PPAN: variants seen among roughly 807,000 people sequenced by gnomAD.
PPAN encodes the protein peter pan homolog.
PPAN carries 39 observed loss-of-function variants against 48.5 expected under a neutral mutation model. The ratio of observed to expected loss-of-function variants is 0.80; its 90% CI spans 0.62 to 1.05. PPAN has a LOEUF of 1.05. Among genes scored for constraint, PPAN ranks in the 50% least tolerant of loss-of-function variants. The pLI, the probability that PPAN is intolerant of heterozygous loss-of-function variation, is 0.00. For synonymous variants in PPAN, 315 were observed against 268.6 expected (o/e 1.17, Z -1.69); for missense variants, 736 against 661.7 (o/e 1.11, Z -1.23).
rs779609530 is a variant in PPAN, at chr19:10,110,125, G to T, written c.701G>T (p.Gly234Val). ...GCCCTGTTATGTCCTACACACAGGG[G>T]CGCGGGGCTGTCGGAGAGCGAGGCA... Reference protein sequence around the residue: ...LQDISELLATGAGLSESEAEP... With the variant: ...LQDISELLATVAGLSESEAEP... Residue 234 changes from glycine (G) to valine (V), a missense_variant and splice_region_variant, in exon 8 of 12, where the codon GGC becomes GTC. Gly to Val is a moderately radical substitution (Grantham distance 109). Coordinates refer to ENST00000253107, the MANE Select transcript of PPAN (RefSeq NM_020230.7). The surrounding 1 kb of genome is among the most constrained non-coding windows in gnomAD (Gnocchi z 5.9). 1.2e-6 allele frequency: 2 copies of T among 1,610,910 alleles called. No homozygotes were observed. The highest frequency in any genetic ancestry group is 8.5e-7 in the Non-Finnish European group (1 of 1,179,916).
At chr19:10,109,166 G>GT (rs1161014685) in intron 5 of PPAN, among the ~76,000 whole-genome samples, 1 of 151,996 alleles carries the variant, frequency 6.6e-6, no homozygotes, top group African/African-American at 2.4e-5. Context: ...ATTTCACCGT[G>GT]TTAGCCAGGG....
intron 5 of PPAN, among the ~76,000 whole-genome samples, chr19:10,108,963 CTTT>C (rs1304271167): frequency 2.2e-5 from 3 of 138,536 alleles, no homozygotes; most frequent in African/African-American, 2.7e-5. Context: ...TCTTGTTTAC[CTTT>C]TTTTTTTTTT....
chr19:10,110,853 G>C lies in PPAN; in HGVS notation c.1188G>C (p.Glu396Asp). ...DIEYFCQAVG[E>D]APSEDLFPEA... ...AGTATTTCTGCCAGGCGGTGGGCGA[G>C]GCGCCCAGTGAGGGTATGGAGTGGG... The change falls in exon 11 of 12, where the codon GAG (glutamate) becomes GAC (aspartate). Residue 396 changes from glutamate to aspartate, a missense_variant. Transcript: ENST00000253107. The surrounding 1 kb of genome is among the most constrained non-coding windows in gnomAD (Gnocchi z 5.9). 2 of 1,613,836 alleles carry C rather than the reference G, an allele frequency of 1.2e-6. No individual in the cohort carries two copies. The highest frequency in any genetic ancestry group is 8.5e-7 in the Non-Finnish European group (1 of 1,179,974).
Position 10,111,494 on chromosome 19 carries a change from A to C in PPAN, c.*329A>C. On this transcript the variant is annotated 3_prime_UTR_variant, in exon 12 of 12. Transcript: ENST00000253107. Reference sequence around the variant, plus strand: ...TGGCCCCTCCCCCCAGTCCCACCAAAGAGCCGTGCAAGCAGACAGGTCACA... The same window carrying C: ...TGGCCCCTCCCCCCAGTCCCACCAACGAGCCGTGCAAGCAGACAGGTCACA... 2 of 632,452 alleles carry C rather than the reference A, an allele frequency of 3.2e-6. No individual in the cohort carries two copies. Among genetic ancestry groups the C allele is most frequent in the Non-Finnish European group, 5.5e-6 (2 of 361,754 alleles). 39.2% of individuals were successfully genotyped at this position (632,452 alleles called of 1,614,324 possible).
At position 10,110,766 on chromosome 19, in the gene PPAN, T is replaced by C; in HGVS notation, c.1101T>C (p.Pro367=). The stretch of plus-strand genomic sequence containing the variant: ...GTGATGAAGAGGCCTCTGGGATCCC[T>C]TCAAGGACGGCGAGCCTGGAGTTGG... ...GGSDEEASGI[P]SRTASLELGE... The change falls in exon 11 of 12, where the codon CCT becomes CCC. Residue 367 remains proline (P), a synonymous_variant. Coordinates refer to ENST00000253107, the MANE Select transcript of PPAN (RefSeq NM_020230.7). This position sits in a 1 kb window ranked among gnomAD's most constrained non-coding sequence, Gnocchi z 5.9. 1.2e-6 allele frequency: 2 copies of C among 1,613,874 alleles called. No individual in the cohort carries two copies. Among genetic ancestry groups the C allele is most frequent in the South Asian group, 2.2e-5 (2 of 91,072 alleles).
rs1166575229 is a variant in PPAN at position 10,106,603 on chromosome 19, C to G, written c.121C>G (p.Arg41Gly). ...CGTGTTCACGCGAGGCTGCACGGGT[C>G]GCAACATCCGGCAGCTCAGCCTGGA... ...SFVFTRGCTG[R>G]NIRQLSLDVR... The change falls in exon 2 of 12, where the codon CGC becomes GGC. Residue 41 changes from arginine (R) to glycine (G), a missense_variant. Transcript: ENST00000253107. 1.9e-6 allele frequency: 3 copies of G among 1,550,176 alleles called. No individual in the cohort carries two copies. The highest frequency in any genetic ancestry group is 1.4e-5 in the African/African-American group (1 of 73,460).
Position 10,107,532 on chromosome 19 carries a change from T to C in PPAN, c.217T>C (p.Cys73Arg). Residue 73 changes from cysteine to arginine, a missense_variant, in exon 3 of 12, where the codon TGC becomes CGC. Coordinates refer to ENST00000253107, the MANE Select transcript of PPAN (RefSeq NM_020230.7). ...TCGTAAGAAGAACTCGCTGAAGGAC[T>C]GCGTGGCAGTGGCTGGGCCCCTCGG... ...QVRKKNSLKD[C>R]VAVAGPLGVT... is the part of the protein sequence containing the mutation. 6.2e-7 allele frequency: 1 copy of C among 1,614,174 alleles called. No individual in the cohort carries two copies.
chr19:10,106,774 C>T (rs1306772126), intron 2 of PPAN, 103 bp downstream of exon 2: 2 of 1,431,202 alleles, frequency 1.4e-6, no homozygotes, highest in Non-Finnish European at 1.8e-6. Flanking sequence ...TTAAGTCTCC[C>T]CAGCTGGAAA....
At chr19:10,109,458 A>G (rs2088962503) in intron 5 of PPAN, among the ~76,000 whole-genome samples, 173 bp from the exon 6 acceptor site, 1 of 152,180 alleles carries the variant, frequency 6.6e-6, no homozygotes, top group South Asian at 2.1e-4. Context: ...TCCTGGGCTC[A>G]GGCAGTCCCA....
At chr19:10,107,449 A>G (rs2088868317) in intron 2 of PPAN, 56 bp from the exon 3 acceptor site, 1 of 1,576,836 alleles carries the variant, frequency 6.3e-7, no homozygotes, top group South Asian at 1.1e-5. Flanking sequence ...GTCAGCTTAT[A>G]GTTGTCACAA....
At chr19:10,107,927 G>A in intron 4 of PPAN, 37 bp from the exon 5 acceptor site, 1 of 1,599,916 alleles carries the variant, frequency 6.3e-7, no homozygotes, top group Non-Finnish European at 8.6e-7. Flanking sequence ...AGCCATGTGT[G>A]GTTGGTGGTC....
chr19:10,107,550 C>A lies in PPAN; in HGVS notation c.235C>A (p.Pro79Thr). The A allele has an allele frequency of 6.2e-7, 1 of 1,613,606 alleles. No individual in the cohort carries two copies. The highest frequency in any genetic ancestry group is 8.5e-7 in the Non-Finnish European group (1 of 1,179,980). The part of the protein sequence containing the change: ...SLKDCVAVAG[P>T]LGVTHFLILS... ...GAAGGACTGCGTGGCAGTGGCTGGGCCCCTCGGGGTCACACACTTTCTGAT... is the reference window on the plus strand; with the variant it reads ...GAAGGACTGCGTGGCAGTGGCTGGGACCCTCGGGGTCACACACTTTCTGAT... Residue 79 changes from proline to threonine, a missense_variant, in exon 3 of 12, where the codon CCC becomes ACC. Pro to Thr is a conservative substitution (Grantham distance 38, BLOSUM62 -1). Transcript: ENST00000253107.
chr19:10,106,233 AGCAACCGCTCCATCTGATT>A, upstream of PPAN: 1 of 1,304,480 alleles, frequency 7.7e-7, no homozygotes, highest in Non-Finnish European at 1.0e-6. Context: ...GTGTCTCCAT[AGCAACCGCTCCATCTGATT>A]GCCCCTCCCC....
chr19:10,111,160 G>T lies in PPAN; in HGVS notation c.1417G>T (p.Ala473Ser). 1.3e-6 allele frequency: 2 copies of T among 1,582,986 alleles called. No homozygotes were observed. Among genetic ancestry groups the T allele is most frequent in the Non-Finnish European group, 1.7e-6 (2 of 1,166,814 alleles). Residue 473 changes from alanine (A) to serine (S), a missense_variant, in exon 12 of 12, where the codon GCC (alanine) becomes TCC (serine). Ala to Ser is a moderately conservative substitution (Grantham distance 99). Coordinates refer to ENST00000253107, the MANE Select transcript of PPAN (RefSeq NM_020230.7). ...RGRGRPGKRV[A>S] ...CCGGGGCCGCCCAGGGAAGAGAGTG[G>T]CCTGAGCCCAAGCCGCACCGGAGCA...
chr19:10,109,791 C>G, intron 6 of PPAN, 84 bp downstream of exon 6: 1 of 1,586,088 alleles, frequency 6.3e-7, no homozygotes, highest in Non-Finnish European at 8.6e-7. Flanking sequence ...TCTGCTGAGA[C>G]GCTGTGATTG....
In PPAN at chr19:10,111,633, G is replaced by T. The variant is rs1037991025; in HGVS notation, c.*468G>T. The T allele has an allele frequency of 4.5e-6, 7 of 1,546,414 alleles. No individual in the cohort carries two copies. The East Asian group carries it at 1.6e-4, about 35-fold the overall frequency. On this transcript the variant is annotated 3_prime_UTR_variant, in exon 12 of 12. Coordinates refer to ENST00000253107, the MANE Select transcript of PPAN (RefSeq NM_020230.7). ...GGCTGGGCCAGTAACTGGGGATGGG[G>T]CTGGGGCAGGGCCCACTAAGCCACT... is the stretch of plus-strand genomic sequence containing the variant.
At chr19:10,106,835 G>A in intron 2 of PPAN, 164 bp downstream of exon 2, 2 of 1,191,970 alleles carry the variant, frequency 1.7e-6, no homozygotes, top group Non-Finnish European at 2.3e-6. Flanking sequence ...CTTTTGCTGG[G>A]CTGGAGTGAG....
intron 5 of PPAN, among the ~76,000 whole-genome samples, chr19:10,108,426 G>T (rs542207706): frequency 1.1e-3 from 169 of 152,178 alleles, no homozygotes; most frequent in African/African-American, 4.0e-3. Context: ...CAGGATCGTA[G>T]CATCTCTTCT....
rs1448462893 is a variant in PPAN at position 10,110,322 on chromosome 19, A to C, written c.823-2A>C. On this transcript the variant is annotated splice_acceptor_variant, in intron 8 of 11. Transcript: ENST00000253107. LOFTEE classifies it high-confidence loss of function. The surrounding 1 kb of genome is among the most constrained non-coding windows in gnomAD (Gnocchi z 5.9). ...GCTGACGCTTCTTCCTCGTCCCCTC[A>C]GATCGGCCCGCGGATGACACTGCAG... The C allele has an allele frequency of 6.2e-7, 1 of 1,613,722 alleles. No homozygotes were observed. The highest frequency in any genetic ancestry group is 8.5e-7 in the Non-Finnish European group (1 of 1,179,948).
Sources: gnomAD v4.1 joint callset for allele counts (sites outside exome capture counted in the v4.1 genomes callset) on GRCh38, gnomAD v4.1.1 for gene constraint, Gnocchi (gnomAD v3.1) non-coding constraint, MANE v1.5 for transcripts, NCBI Gene and HGNC (gene_info 2026-07-23, HGNC 2026-07-21) for gene names.